The following VPS41 variants were observed in gnomAD, a reference collection of about 807,000 sequenced individuals.
VPS41 encodes VPS41 subunit of HOPS complex, also known as vacuolar protein sorting-associated protein 41 homolog.
In VPS41, 85 loss-of-function variants were observed where a neutral mutation model predicts 130.9. The observed-to-expected ratio is 0.65, with a 90% confidence interval of 0.55 to 0.78. VPS41 has a LOEUF of 0.78. Ranked by LOEUF, VPS41 falls within the 30% of genes least tolerant of loss-of-function variation. The pLI, the probability that VPS41 is intolerant of heterozygous loss-of-function variation, is 0.00. For missense variants in VPS41, 874 were observed against 1,018.7 expected (o/e 0.86, Z 1.93); for synonymous variants, 335 against 332.9 (o/e 1.01, Z -0.07).
intron 19 of VPS41, among the ~76,000 whole-genome samples, chr7:38,755,225 C>T (rs929475209): frequency 6.6e-6 from 1 of 152,150 alleles, no homozygotes; most frequent in Non-Finnish European, 1.5e-5. Context: ...TAGCCCCCCG[C>T]CCTCCGATGT....
chr7:38,847,723 T>A (rs1234722182), intron 4 of VPS41, among the ~76,000 whole-genome samples: 15 of 152,202 alleles, frequency 9.9e-5, no homozygotes, highest in Admixed American at 9.8e-4. Context: ...AAGTTCTCAA[T>A]ATACAAGTAA....
chr7:38,874,713 C>G (rs930034188), intron 2 of VPS41, among the ~76,000 whole-genome samples: 3 of 152,092 alleles, frequency 2.0e-5, no homozygotes, highest in Admixed American at 1.3e-4. Context: ...GTTTGAACTT[C>G]CACAGTAAAA....
intron 2 of VPS41, among the ~76,000 whole-genome samples, chr7:38,869,709 G>A (rs1440123345): frequency 2.0e-5 from 3 of 152,070 alleles, no homozygotes; most frequent in African/African-American, 2.4e-5. Flanking sequence ...TTTACATATG[G>A]AGAACTGTGA....
rs570882141 is a variant in VPS41, at chr7:38,768,650, T to C, written c.1186-1052A>G. On this transcript the variant is annotated intron_variant, in intron 14 of 28. Coordinates refer to ENST00000310301, the MANE Select transcript of VPS41 (RefSeq NM_014396.4). ...GTGAAGAAAGAGTGTCTAACTTCCT[T>C]ATTTTTCTGGAAACAGATCACACGT... Among the ~76,000 whole-genome samples, 12 of 152,166 alleles carry C rather than the reference T, an allele frequency of 7.9e-5. No homozygotes were observed. In the East Asian group the frequency reaches 2.3e-3, roughly 29 times the overall value.
At chr7:38,855,145 G>A (rs1466294219) in intron 4 of VPS41, among the ~76,000 whole-genome samples, 2 of 150,236 alleles carry the variant, frequency 1.3e-5, no homozygotes, top group Non-Finnish European at 2.9e-5. Context: ...GGGCGGCGGA[G>A]GTTGCAGTGA....
chr7:38,781,598 T>C (rs1396861215), intron 10 of VPS41, among the ~76,000 whole-genome samples: 2 of 152,232 alleles, frequency 1.3e-5, no homozygotes, highest in Admixed American at 6.5e-5. Flanking sequence ...GACTGAATTA[T>C]CTTTGCCTGT....
At chr7:38,746,023 G>A (rs2115663379) in intron 22 of VPS41, 1 of 170,520 alleles carries the variant, frequency 5.9e-6, no homozygotes, top group South Asian at 1.5e-4. Flanking sequence ...GCTCATGGTT[G>A]AACTTTTCCT....
At chr7:38,889,846 C>T (rs1786823216) in intron 2 of VPS41, among the ~76,000 whole-genome samples, 1 of 151,842 alleles carries the variant, frequency 6.6e-6, no homozygotes, top group Non-Finnish European at 1.5e-5. Context: ...ATAGTTGAAG[C>T]CAAAAAATAC....
intron 4 of VPS41, among the ~76,000 whole-genome samples, chr7:38,846,753 C>T (rs1467364577): frequency 6.6e-6 from 1 of 152,016 alleles, no homozygotes; most frequent in Non-Finnish European, 1.5e-5. Flanking sequence ...TCAATAAAGA[C>T]ATGAACAAGG....
In VPS41 at chr7:38,892,671, G is replaced by A. The variant is rs375239605; in HGVS notation, c.60+5420C>T. On this transcript the variant is annotated intron_variant, in intron 2 of 28. Transcript: ENST00000310301. The stretch of plus-strand genomic sequence containing the variant: ...ATATTACTTGTTTCAGCTTGAACAA[G>A]GCCATATAAAAGAGGTCACCAATGG... Among the ~76,000 whole-genome samples the A allele has an allele frequency of 3.3e-5, 5 of 152,206 alleles. No homozygotes were observed. The East Asian group carries it at 7.7e-4, about 23-fold the overall frequency.
intron 7 of VPS41, among the ~76,000 whole-genome samples, chr7:38,797,459 TA>T (rs1318965685): frequency 6.6e-6 from 1 of 152,212 alleles, no homozygotes; most frequent in African/African-American, 2.4e-5. Context: ...ACCTGCTGGA[TA>T]AATTTTAATA....
At position 38,767,520 on chromosome 7, in the gene VPS41, GA is replaced by G; in HGVS notation, c.1247+16del. On this transcript the variant is annotated intron_variant, in intron 15 of 28. Transcript: ENST00000310301. ...TCTATTTATATTAACAAATAATTGT[GA>G]AAATGTCATCATTACCGTGCTGCTA... 1 of 1,560,490 alleles carries G rather than the reference GA, an allele frequency of 6.4e-7. No individual in the cohort carries two copies. Among genetic ancestry groups the G allele is most frequent in the Non-Finnish European group, 8.7e-7 (1 of 1,143,454 alleles).
chr7:38,795,235 T>C (rs1282361405), intron 9 of VPS41, among the ~76,000 whole-genome samples: 1 of 152,178 alleles, frequency 6.6e-6, no homozygotes, highest in African/African-American at 2.4e-5. Context: ...GACAGCACCA[T>C]TCTCAACACG....
At chr7:38,748,129 C>A (rs999769006) in intron 22 of VPS41, among the ~76,000 whole-genome samples, 3 of 152,210 alleles carry the variant, frequency 2.0e-5, no homozygotes, top group African/African-American at 7.2e-5. Context: ...CATTTAGATT[C>A]TTGAATGTTC....
At chr7:38,729,929 T>A (rs1355337728) in intron 25 of VPS41, among the ~76,000 whole-genome samples, 1 of 151,284 alleles carries the variant, frequency 6.6e-6, no homozygotes, top group Admixed American at 6.6e-5. Context: ...ATTATTATTA[T>A]TTTTTTTTAA....
intron 2 of VPS41, among the ~76,000 whole-genome samples, chr7:38,871,024 C>T (rs1433975922): frequency 6.6e-6 from 1 of 151,806 alleles, no homozygotes; most frequent in Non-Finnish European, 1.5e-5. Flanking sequence ...GCATGTAGAA[C>T]ACAGTGAAAA....
chr7:38,731,680 T>C (rs1206303439), intron 25 of VPS41, among the ~76,000 whole-genome samples: 4 of 152,164 alleles, frequency 2.6e-5, no homozygotes, highest in Admixed American at 2.6e-4. Flanking sequence ...ACTCTTCTGT[T>C]ACTCAGGTTT....
intron 2 of VPS41, among the ~76,000 whole-genome samples, chr7:38,892,018 T>C (rs912434147): frequency 1.3e-5 from 2 of 152,022 alleles, no homozygotes; most frequent in African/African-American, 4.8e-5. Context: ...AAACAATTAA[T>C]ATTATATATA....
At chr7:38,815,860 C>T (rs1346733215) in intron 7 of VPS41, among the ~76,000 whole-genome samples, 3 of 152,014 alleles carry the variant, frequency 2.0e-5, no homozygotes, top group Admixed American at 6.6e-5. Flanking sequence ...CCTCCGCTTG[C>T]AGAGATGGCC....
Sources: allele counts gnomAD v4.1 joint callset (sites outside exome capture counted in the v4.1 genomes callset), GRCh38; gene constraint gnomAD v4.1.1; transcripts MANE v1.5; gene names NCBI Gene and HGNC (gene_info 2026-07-23, HGNC 2026-07-21).